The following NUAK1 variants were observed in gnomAD, a reference collection of about 807,000 sequenced individuals.
NUAK1 encodes NUAK family kinase 1, also known as NUAK family SNF1-like kinase 1.
NUAK1 carries 26 observed loss-of-function variants against 56.9 expected under a neutral mutation model. The observed-to-expected ratio is 0.46, with a 90% confidence interval of 0.33 to 0.63. NUAK1 has a LOEUF of 0.63. Among genes scored for constraint, NUAK1 ranks in the 30% least tolerant of loss-of-function variants. The pLI is 0.02. For missense variants in NUAK1, 727 were observed against 876.1 expected (o/e 0.83, Z 2.15); for synonymous variants, 337 against 336.0 (o/e 1.00, Z -0.03).
chr12:106,112,500 G>A (rs1024001316), intron 1 of NUAK1, among the ~76,000 whole-genome samples: 1 of 152,116 alleles, frequency 6.6e-6, no homozygotes, highest in African/African-American at 2.4e-5. Flanking sequence ...CTCTGGCCGA[G>A]GACAGTCACC....
chr12:106,064,606 A>T lies in NUAK1; in HGVS notation c.*2196T>A, dbSNP rs1048511343. ...ACAGACTCAATCACTTGGCAAAAGG[A>T]AAAAACACATCAACCAGTAGGTAGG... On this transcript the variant is annotated 3_prime_UTR_variant, in exon 7 of 7. Coordinates refer to ENST00000261402, the MANE Select transcript of NUAK1 (RefSeq NM_014840.3). The T allele has an allele frequency of 6.6e-6, 1 of 152,270 alleles. No individual in the cohort carries two copies. Among genetic ancestry groups the T allele is most frequent in the African/African-American group, 2.4e-5 (1 of 41,462 alleles). 9.4% of individuals were successfully genotyped at this position (152,270 alleles called of 1,614,324 possible).
intron 2 of NUAK1, among the ~76,000 whole-genome samples, chr12:106,091,314 G>A: frequency 6.6e-6 from 1 of 152,202 alleles, no homozygotes; most frequent in South Asian, 2.1e-4. Context: ...AGGCCTACCA[G>A]GAAAATTAAA....
chr12:106,104,673 A>T (rs563784247), intron 2 of NUAK1, among the ~76,000 whole-genome samples: 1 of 152,344 alleles, frequency 6.6e-6, no homozygotes, highest in South Asian at 2.1e-4. Flanking sequence ...TGTAAATAAA[A>T]GATAGAATGG....
At chr12:106,128,128 CT>C (rs199595148) in intron 1 of NUAK1, among the ~76,000 whole-genome samples, 10 of 136,220 alleles carry the variant, frequency 7.3e-5, no homozygotes, top group Non-Finnish European at 1.4e-4. Context: ...TCTCTCTTTT[CT>C]TTTTCTTTTT....
At position 106,068,212 on chromosome 12, in the gene NUAK1, T is replaced by A. The variant is rs568460422; in HGVS notation, c.833-257A>T. 3.9e-5 allele frequency among the ~76,000 whole-genome samples: 6 copies of A among 152,342 alleles called. No individual in the cohort carries two copies. In the South Asian group the frequency reaches 1.2e-3, roughly 32 times the overall value. On this transcript the variant is annotated intron_variant, in intron 6 of 6. Transcript: ENST00000261402. ...TTTCCCTGTAAGTGAGAAAATGTCATAGAACTACTAAGCTTTTCATCATCT... is the reference window on the plus strand; with the variant it reads ...TTTCCCTGTAAGTGAGAAAATGTCAAAGAACTACTAAGCTTTTCATCATCT...
intron 1 of NUAK1, among the ~76,000 whole-genome samples, chr12:106,128,958 GA>G (rs749467384): frequency 1.4e-4 from 22 of 152,190 alleles, no homozygotes; most frequent in Non-Finnish European, 3.1e-4. Flanking sequence ...TTACAACCCA[GA>G]AAAAAATGTT....
intron 5 of NUAK1, 38 bp downstream of exon 5, chr12:106,072,686 C>T (rs771183968): frequency 2.5e-6 from 4 of 1,580,716 alleles, no homozygotes; most frequent in African/African-American, 1.3e-5. Context: ...CTTCTCCCTC[C>T]CCTCCCCTGC....
chr12:106,072,681 C>A, intron 5 of NUAK1, 43 bp downstream of exon 5: 1 of 1,571,148 alleles, frequency 6.4e-7, no homozygotes, highest in Non-Finnish European at 8.7e-7. Flanking sequence ...TCCCTCTTCT[C>A]CCTCCCCTCC....
At chr12:106,072,190 A>C (rs377034201) in intron 5 of NUAK1, among the ~76,000 whole-genome samples, 2 of 152,148 alleles carry the variant, frequency 1.3e-5, no homozygotes, top group South Asian at 4.1e-4. Context: ...GAGTGAGGCA[A>C]TTTTTTGTTT....
At chr12:106,082,980 G>A (rs1474475617) in intron 4 of NUAK1, among the ~76,000 whole-genome samples, 1 of 152,158 alleles carries the variant, frequency 6.6e-6, no homozygotes, top group Non-Finnish European at 1.5e-5. Flanking sequence ...CCCATGCAGC[G>A]AGCTCCGTTT....
intron 6 of NUAK1, among the ~76,000 whole-genome samples, chr12:106,068,806 CT>C (rs2032372079): frequency 6.6e-6 from 1 of 152,204 alleles, no homozygotes; most frequent in Admixed American, 6.5e-5. Context: ...GAATTATATT[CT>C]TGGAAGCTGC....
chr12:106,070,661 A>C, intron 6 of NUAK1, 113 bp downstream of exon 6: 2 of 1,366,098 alleles, frequency 1.5e-6, no homozygotes, highest in South Asian at 2.6e-5. Flanking sequence ...AAGAAGAAAG[A>C]GGAAAACCAG....
At chr12:106,076,803 G>A (rs749427053) in intron 4 of NUAK1, among the ~76,000 whole-genome samples, 1 of 152,168 alleles carries the variant, frequency 6.6e-6, no homozygotes, top group Non-Finnish European at 1.5e-5. Context: ...TAGAGTAGTC[G>A]AATTCAGAGA....
In NUAK1 at chr12:106,067,810, T is replaced by A. The variant is rs2032360697; in HGVS notation, c.978A>T (p.Pro326=). The A allele has an allele frequency of 1.2e-6, 2 of 1,613,778 alleles. No homozygotes were observed. The highest frequency in any genetic ancestry group is 1.7e-6 in the Non-Finnish European group (2 of 1,179,950). ...GCCAGTCAATGATCCGAGCCAGGAG[T>A]GGGGACTCAGAGTCATGGAGGGCAT... ...DCDALHDSES[P]LLARIIDWHH... is the part of the protein sequence containing the mutation. Residue 326 remains proline (P), a synonymous_variant, in exon 7 of 7, where the codon CCA becomes CCT. Coordinates refer to ENST00000261402, the MANE Select transcript of NUAK1 (RefSeq NM_014840.3). This position sits in a 1 kb window ranked among gnomAD's most constrained non-coding sequence, Gnocchi z 6.0.
intron 4 of NUAK1, among the ~76,000 whole-genome samples, chr12:106,078,567 G>A (rs752928312): frequency 4.6e-5 from 7 of 152,166 alleles, no homozygotes; most frequent in Admixed American, 2.0e-4. Flanking sequence ...ACTCCTTTCC[G>A]GCCTTGGAGT....
chr12:106,138,781 A>C lies in NUAK1; in HGVS notation c.-128T>G. 2 of 1,288,628 alleles carry C rather than the reference A, an allele frequency of 1.6e-6. No individual in the cohort carries two copies. Among genetic ancestry groups the C allele is most frequent in the Non-Finnish European group, 2.0e-6 (2 of 989,048 alleles). 79.8% of individuals were successfully genotyped at this position (1,288,628 alleles called of 1,614,324 possible). ...CCCGCAGCATCAGGGAGGCGGCCCGATACCGCTCGGACTGCGGCTCGGTCA... is the reference window on the plus strand; with the variant it reads ...CCCGCAGCATCAGGGAGGCGGCCCGCTACCGCTCGGACTGCGGCTCGGTCA... On this transcript the variant is annotated 5_prime_UTR_variant, in exon 1 of 7. Coordinates refer to ENST00000261402, the MANE Select transcript of NUAK1 (RefSeq NM_014840.3). The surrounding 1 kb of genome is among the most constrained non-coding windows in gnomAD (Gnocchi z 5.0).
At chr12:106,129,063 C>T (rs570629971) in intron 1 of NUAK1, among the ~76,000 whole-genome samples, 78 of 152,328 alleles carry the variant, frequency 5.1e-4, no homozygotes, top group African/African-American at 1.5e-3. Context: ...GGACTCTGAA[C>T]GAAGCCAGGC....
chr12:106,125,144 C>A (rs1210385345), intron 1 of NUAK1, among the ~76,000 whole-genome samples: 4 of 152,300 alleles, frequency 2.6e-5, no homozygotes, highest in Admixed American at 2.6e-4. Context: ...CAAGGTCACA[C>A]AGCTTAAGTT....
chr12:106,086,775 A>C lies in NUAK1; in HGVS notation c.472T>G (p.Phe158Val). The C allele has an allele frequency of 6.2e-7, 1 of 1,614,182 alleles. No homozygotes were observed. The highest frequency in any genetic ancestry group is 8.5e-7 in the Non-Finnish European group (1 of 1,180,018). Residue 158 changes from phenylalanine (F) to valine (V), a missense_variant, in exon 3 of 7, where the codon TTC (phenylalanine) becomes GTC (valine). Transcript: ENST00000261402. Reference protein sequence around the residue: ...RRLSERETRHFFRQIVSAVHY... With the variant: ...RRLSERETRHVFRQIVSAVHY... ...ACAGCAGAGACGATCTGCCGGAAGA[A>C]GTGCCGGGTCTCCCTCTCACTGAGG...
Sources: gnomAD v4.1 joint callset for allele counts (sites outside exome capture counted in the v4.1 genomes callset) on GRCh38, gnomAD v4.1.1 for gene constraint, Gnocchi (gnomAD v3.1) non-coding constraint, MANE v1.5 for transcripts, NCBI Gene and HGNC (gene_info 2026-07-23, HGNC 2026-07-21) for gene names.